Variants in EEA1 observed in about 807,000 individuals in gnomAD.
The protein encoded by EEA1 is early endosome antigen 1, also known as early endosome antigen 1, 162kD.
A neutral mutation model predicts 209.2 loss-of-function variants in EEA1; 111 were observed. The observed-to-expected ratio is 0.53, with a 90% CI of 0.45 to 0.62. The LOEUF (loss-of-function observed/expected upper bound fraction) is 0.62. EEA1 is among the 20% of genes least tolerant of loss of function. The pLI, the probability that EEA1 is intolerant of heterozygous loss-of-function variation, is 0.00. For missense variants in EEA1, 1,343 were observed against 1,530.8 expected, an observed-to-expected ratio of 0.88 and a Z score of 2.05; for synonymous variants, 536 against 540.6, an observed-to-expected ratio of 0.99 and a Z score of 0.12.
intron 1 of EEA1, among the ~76,000 whole-genome samples, chr12:92,900,341 A>C (rs188980128): frequency 7.2e-5 from 11 of 152,254 alleles, no homozygotes; most frequent in Admixed American, 6.5e-4. Flanking sequence ...AGTATGGAAG[A>C]GCAGGCCTCA....
intron 13 of EEA1, among the ~76,000 whole-genome samples, chr12:92,824,652 G>A (rs1876209557): frequency 6.6e-6 from 1 of 151,910 alleles, no homozygotes; most frequent in South Asian, 2.1e-4. Context: ...CTTCCTTCAG[G>A]TCTTTCATCT....
intron 1 of EEA1, among the ~76,000 whole-genome samples, chr12:92,893,642 T>C (rs1391221514): frequency 6.6e-6 from 1 of 152,168 alleles, no homozygotes; most frequent in African/African-American, 2.4e-5. Context: ...ATATAAAAAC[T>C]ACTGATATAA....
chr12:92,913,138 G>A (rs1250932932), intron 1 of EEA1, among the ~76,000 whole-genome samples: 1 of 152,192 alleles, frequency 6.6e-6, no homozygotes, highest in Admixed American at 6.5e-5. Flanking sequence ...CACAGAGGCT[G>A]TACTAATTTA....
chr12:92,802,556 C>T lies in EEA1; in HGVS notation c.2518G>A (p.Glu840Lys), dbSNP rs61756483. Residue 840 changes from glutamate (E) to lysine (K), a missense_variant, in exon 19 of 29, where the codon GAA (glutamate) becomes AAA (lysine). Coordinates refer to ENST00000322349, the MANE Select transcript of EEA1 (RefSeq NM_003566.4). ...LNNRIQTTVT[E>K]LQKVKMEKEA... ...TTCTCCATTTTCACTTTTTGTAGTT[C>T]TGTTACTGTTGTTTGAATTCTGTTA... 10,827 of 1,600,336 alleles carry T rather than the reference C, an allele frequency of 6.8e-3. 44 individuals are homozygous for T. The highest frequency in any genetic ancestry group is 0.024 in the Middle Eastern group (143 of 6,010).
chr12:92,864,151 C>T (rs1277222197), intron 3 of EEA1, among the ~76,000 whole-genome samples: 1 of 152,072 alleles, frequency 6.6e-6, no homozygotes, highest in Non-Finnish European at 1.5e-5. Context: ...TATCTATCAA[C>T]CACAAAGTTT....
chr12:92,800,361 T>C (rs1228798484), intron 20 of EEA1, among the ~76,000 whole-genome samples: 1 of 152,196 alleles, frequency 6.6e-6, no homozygotes, highest in East Asian at 1.9e-4. Flanking sequence ...ACACTGAAGT[T>C]CCTCTGTCAC....
At chr12:92,888,522 A>G (rs1301937331) in intron 2 of EEA1, among the ~76,000 whole-genome samples, 4 of 151,828 alleles carry the variant, frequency 2.6e-5, no homozygotes. Flanking sequence ...GCTTACAGTG[A>G]GCCGAGATCG....
intron 21 of EEA1, among the ~76,000 whole-genome samples, chr12:92,792,094 T>C (rs1412681696): frequency 6.6e-6 from 1 of 152,140 alleles, no homozygotes; most frequent in Non-Finnish European, 1.5e-5. Flanking sequence ...AGACACAACA[T>C]ACCAGAATCT....
chr12:92,867,476 T>G (rs1279020325), intron 2 of EEA1, among the ~76,000 whole-genome samples: 1 of 152,016 alleles, frequency 6.6e-6, no homozygotes, highest in Admixed American at 6.6e-5. Flanking sequence ...AAAAAGAAGA[T>G]CTTTAATAGC....
intron 2 of EEA1, 67 bp downstream of exon 2, chr12:92,891,562 G>A (rs1024227664): frequency 7.2e-5 from 88 of 1,228,540 alleles, no homozygotes; most frequent in East Asian, 2.4e-4. Flanking sequence ...ATCACCAATC[G>A]TTACACCAAA....
intron 10 of EEA1, among the ~76,000 whole-genome samples, chr12:92,834,254 A>G (rs1208242457): frequency 6.6e-6 from 1 of 152,152 alleles, no homozygotes; most frequent in Non-Finnish European, 1.5e-5. Context: ...AAAAGTATGT[A>G]TAAGAGAGGC....
Position 92,891,116 on chromosome 12 carries a change from A to G in EEA1, c.117+513T>C, listed in dbSNP as rs534238798. 2.2e-4 allele frequency among the ~76,000 whole-genome samples: 34 copies of G among 152,222 alleles called. 1 individual carries two copies. The highest frequency in any genetic ancestry group is 2.1e-3 in the Admixed American group (32 of 15,292). On this transcript the variant is annotated intron_variant, in intron 2 of 28. Coordinates refer to ENST00000322349, the MANE Select transcript of EEA1 (RefSeq NM_003566.4). Reference sequence around the variant, plus strand: ...TATTAAAAATAATATTAATGCAACTAAAGCTGACTTTTCAAATTTTTGGAA... The same window carrying G: ...TATTAAAAATAATATTAATGCAACTGAAGCTGACTTTTCAAATTTTTGGAA...
At position 92,782,218 on chromosome 12, in the gene EEA1, G is replaced by T. The variant is rs1359150365; in HGVS notation, c.3151-83C>A. 5.3e-6 allele frequency: 6 copies of T among 1,139,762 alleles called. No homozygotes were observed. The East Asian group carries it at 1.5e-4, about 29-fold the overall frequency. 70.6% of individuals were successfully genotyped at this position (1,139,762 alleles called of 1,614,324 possible). A position where few individuals can be genotyped will look rare whatever the true frequency, so the allele number is the denominator to read the frequency against. On this transcript the variant is annotated intron_variant, in intron 22 of 28. Coordinates refer to ENST00000322349, the MANE Select transcript of EEA1 (RefSeq NM_003566.4). ...AAACATAGTTAATATAAACATTGTAGAAAGCAATAAACTATAAAAAGATAG... is the reference window on the plus strand; with the variant it reads ...AAACATAGTTAATATAAACATTGTATAAAGCAATAAACTATAAAAAGATAG...
intron 1 of EEA1, among the ~76,000 whole-genome samples, chr12:92,917,340 G>A (rs577273175): frequency 0.039 from 5,164 of 134,032 alleles, 141 homozygotes; most frequent in African/African-American, 0.074. Flanking sequence ...AGGTCAGCCA[G>A]AGAGAAAGGT....
chr12:92,790,956 G>C lies in EEA1; in HGVS notation c.2968-2907C>G, dbSNP rs566878332. On this transcript the variant is annotated intron_variant, in intron 21 of 28. Coordinates refer to ENST00000322349, the MANE Select transcript of EEA1 (RefSeq NM_003566.4). ...GAAACCCTACAAGCCAGAAGAGAGT[G>C]GGGGCCAATATTCAACTTTCTTAAA... Among the ~76,000 whole-genome samples the C allele has an allele frequency of 8.8e-4, 134 of 152,312 alleles. 2 individuals are homozygous for C. The highest frequency in any genetic ancestry group is 3.0e-3 in the African/African-American group (126 of 41,550).
At chr12:92,781,883 T>C in intron 23 of EEA1, 67 bp downstream of exon 23, 1 of 1,436,596 alleles carries the variant, frequency 7.0e-7, no homozygotes, top group South Asian at 1.5e-5. Flanking sequence ...ATAAGAGGTT[T>C]GACTGGATGA....
At position 92,776,943 on chromosome 12, in the gene EEA1, C is replaced by G. The variant is rs774743190; in HGVS notation, c.4015-1G>C. ...TATTCAACGCTTGTGTATGTTTGATCTGTTTTTTAAAGAAGTATCGATATA... is the reference window on the plus strand; with the variant it reads ...TATTCAACGCTTGTGTATGTTTGATGTGTTTTTTAAAGAAGTATCGATATA... On this transcript the variant is annotated splice_acceptor_variant, in intron 27 of 28. Transcript: ENST00000322349. LOFTEE classifies it high-confidence loss of function. 6.2e-7 allele frequency: 1 copy of G among 1,610,792 alleles called. No individual in the cohort carries two copies. Among genetic ancestry groups the G allele is most frequent in the Admixed American group, 1.7e-5 (1 of 59,890 alleles).
intron 2 of EEA1, among the ~76,000 whole-genome samples, chr12:92,890,502 A>C (rs2136754047): frequency 6.6e-6 from 1 of 152,284 alleles, no homozygotes; most frequent in South Asian, 2.1e-4. Context: ...AAGGTACAAA[A>C]TAACTATCTC....
rs1208445236 is a variant in EEA1 at position 92,779,173 on chromosome 12, T to G, written c.3596A>C (p.Gln1199Pro). 2 of 1,610,730 alleles carry G rather than the reference T, an allele frequency of 1.2e-6. No individual in the cohort carries two copies. Among genetic ancestry groups the G allele is most frequent in the Non-Finnish European group, 8.5e-7 (1 of 1,179,216 alleles). ...CAGCTCCTCTTCTTCCTTTTTCACCTGGTCTTTTAGTATCTGCTGATTTCT... is the reference window on the plus strand; with the variant it reads ...CAGCTCCTCTTCTTCCTTTTTCACCGGGTCTTTTAGTATCTGCTGATTTCT... ...EKRNQQILKD[Q>P]VKKEEEELKK... Residue 1199 changes from glutamine to proline, a missense_variant, in exon 25 of 29, where the codon CAG becomes CCG. This residue lies in a region of EEA1 where 1,307 missense variants were observed against 1,465.5 expected (regional missense o/e 0.89). Coordinates refer to ENST00000322349, the MANE Select transcript of EEA1 (RefSeq NM_003566.4).
Sources: gnomAD v4.1 joint callset for allele counts (sites outside exome capture counted in the v4.1 genomes callset) on GRCh38, gnomAD v4.1.1 for gene constraint, gnomAD v4.1.1 regional missense constraint, MANE v1.5 for transcripts, NCBI Gene and HGNC (gene_info 2026-07-23, HGNC 2026-07-21) for gene names.